IL1RAPL2: variants seen among roughly 807,000 people sequenced by gnomAD.
The protein encoded by IL1RAPL2 is interleukin 1 receptor accessory protein like 2, also known as X-linked interleukin-1 receptor accessory protein-like 2.
Under a neutral mutation model 44.1 loss-of-function variants are expected in IL1RAPL2, and 3 were observed. That is an observed-to-expected ratio of 0.07 (90% CI 0.03 to 0.18). IL1RAPL2 has a LOEUF of 0.18. Among genes scored for constraint, IL1RAPL2 ranks in the 10% least tolerant of loss-of-function variants. The pLI is 1.00. For missense variants in IL1RAPL2, 391 were observed against 496.4 expected, an observed-to-expected ratio of 0.79 and a Z score of 2.02; for synonymous variants, 181 against 178.8, an observed-to-expected ratio of 1.01 and a Z score of -0.10.
chrX:105,368,905 G>T (rs1025496657), intron 5 of IL1RAPL2, among the ~76,000 whole-genome samples: 3 of 109,151 alleles, frequency 2.7e-5, no homozygotes, highest in Non-Finnish European at 5.7e-5. Flanking sequence ...TCTCAGATTG[G>T]ATATTTACCA....
chrX:104,571,585 G>A (rs751626120), intron 1 of IL1RAPL2, among the ~76,000 whole-genome samples: 8 of 111,724 alleles, frequency 7.2e-5, no homozygotes, highest in Non-Finnish European at 1.1e-4. Flanking sequence ...CTTGCCTGCC[G>A]CCATGTAAGA....
At chrX:105,711,508 A>G (rs1041161281) in intron 6 of IL1RAPL2, among the ~76,000 whole-genome samples, 1 of 111,656 alleles carries the variant, frequency 9.0e-6, no homozygotes, top group Middle Eastern at 4.6e-3. Context: ...CAACACTATT[A>G]CATTGGCAAC....
At chrX:105,610,167 C>T (rs757129035) in intron 6 of IL1RAPL2, among the ~76,000 whole-genome samples, 6 of 111,244 alleles carry the variant, frequency 5.4e-5, no homozygotes, top group South Asian at 7.6e-4. Flanking sequence ...CCCTAGTTGG[C>T]GGGTTGGATT....
At chrX:104,886,553 T>C (rs759308954) in intron 2 of IL1RAPL2, among the ~76,000 whole-genome samples, 1 of 112,361 alleles carries the variant, frequency 8.9e-6, no homozygotes, top group Admixed American at 9.4e-5. Flanking sequence ...AACTAAATGG[T>C]CAGTGGAGAC....
intron 5 of IL1RAPL2, among the ~76,000 whole-genome samples, chrX:105,435,504 ACCAGCAATCCCATTTGAC>A (rs756119388): frequency 5.4e-5 from 6 of 111,798 alleles, no homozygotes; most frequent in Non-Finnish European, 9.4e-5. Flanking sequence ...AGGATCTAGA[ACCAGCAATCCCATTTGAC>A]CCAGCAATCC....
Position 105,388,356 on chromosome X carries a change from A to ATTTTTTTTTTTTTTTTTTTTTTTTTTT in IL1RAPL2, c.698-95954_698-95928dup, listed in dbSNP as rs772573698. 1.8e-4 allele frequency among the ~76,000 whole-genome samples: 11 copies of ATTTTTTTTTTTTTTTTTTTTTTTTTTT among 61,264 alleles called. 1 individual carries two copies. Among genetic ancestry groups the ATTTTTTTTTTTTTTTTTTTTTTTTTTT allele is most frequent in the African/African-American group, 1.1e-3 (11 of 9,706 alleles). 53.2% of individuals were successfully genotyped at this position (61,264 alleles called of 115,157 possible). On this transcript the variant is annotated intron_variant, in intron 5 of 10. Coordinates refer to ENST00000372582, the MANE Select transcript of IL1RAPL2 (RefSeq NM_017416.2). ...CAAACCAAATATTTTACCAAAGCAG[A>ATTTTTTTTTTTTTTTTTTTTTTTTTTT]TTTTTTTTTTTTTTTTTTTTTTTTT... is the stretch of plus-strand genomic sequence containing the variant.
At chrX:104,797,455 G>A (rs1932857986) in intron 2 of IL1RAPL2, among the ~76,000 whole-genome samples, 1 of 111,089 alleles carries the variant, frequency 9.0e-6, no homozygotes, top group Non-Finnish European at 1.9e-5. Context: ...GGCTTCTATG[G>A]TCAAATAAAT....
chrX:105,308,817 T>G (rs1603058195), intron 5 of IL1RAPL2, among the ~76,000 whole-genome samples: 1 of 111,709 alleles, frequency 9.0e-6, no homozygotes, highest in Admixed American at 9.6e-5. Flanking sequence ...GACATTGAAT[T>G]GTTGGGACAA....
At chrX:105,155,153 T>A (rs1489025076) in intron 2 of IL1RAPL2, among the ~76,000 whole-genome samples, 1 of 111,584 alleles carries the variant, frequency 9.0e-6, no homozygotes, top group East Asian at 2.8e-4. Flanking sequence ...GCTTCCATGG[T>A]GCTTACCCCC....
intron 5 of IL1RAPL2, among the ~76,000 whole-genome samples, chrX:105,408,144 C>A (rs1048754501): frequency 4.5e-5 from 5 of 111,956 alleles, no homozygotes; most frequent in African/African-American, 1.6e-4. Flanking sequence ...TTTATTATAG[C>A]CACCAAAAAA....
intron 8 of IL1RAPL2, among the ~76,000 whole-genome samples, chrX:105,743,233 A>G (rs1367897726): frequency 8.9e-6 from 1 of 111,861 alleles, no homozygotes; most frequent in African/African-American, 3.3e-5. Flanking sequence ...AGAACCCTCC[A>G]TTCACAGTTC....
At chrX:105,283,585 G>A (rs1388361643) in intron 5 of IL1RAPL2, among the ~76,000 whole-genome samples, 2 of 111,087 alleles carry the variant, frequency 1.8e-5, no homozygotes, top group Non-Finnish European at 3.8e-5. Context: ...TTACTAATAG[G>A]GTAGACAGTA....
chrX:104,570,441 G>A (rs1928124559), intron 1 of IL1RAPL2, among the ~76,000 whole-genome samples: 1 of 111,927 alleles, frequency 8.9e-6, no homozygotes, highest in South Asian at 3.8e-4. Flanking sequence ...AACAATCCCA[G>A]CACTTTGGGA....
At chrX:105,717,574 A>C in intron 7 of IL1RAPL2, 78 bp downstream of exon 7, 1 of 974,241 alleles carries the variant, frequency 1.0e-6, no homozygotes, top group Non-Finnish European at 1.4e-6. Context: ...ACTCCAAATC[A>C]TTCCATTCTC....
chrX:104,628,411 T>C (rs755540213), intron 1 of IL1RAPL2, among the ~76,000 whole-genome samples: 4 of 111,606 alleles, frequency 3.6e-5, no homozygotes, highest in East Asian at 2.8e-4. Context: ...AGATGAACTT[T>C]TTTAACTTCC....
At chrX:105,374,822 C>A (rs1262253150) in intron 5 of IL1RAPL2, among the ~76,000 whole-genome samples, 1 of 107,777 alleles carries the variant, frequency 9.3e-6, no homozygotes, top group East Asian at 3.0e-4. Flanking sequence ...GTGGTGGGCA[C>A]CTGTAGTCCC....
At chrX:104,836,430 AAC>A (rs1473445412) in intron 2 of IL1RAPL2, among the ~76,000 whole-genome samples, 1 of 111,140 alleles carries the variant, frequency 9.0e-6, no homozygotes, top group Non-Finnish European at 1.9e-5. Context: ...GATTGTTTGA[AAC>A]ACAAAGGATA....
chrX:104,816,762 C>T (rs999204299), intron 2 of IL1RAPL2, among the ~76,000 whole-genome samples: 4 of 111,830 alleles, frequency 3.6e-5, no homozygotes, highest in Non-Finnish European at 7.5e-5. Flanking sequence ...AAGCTCAACA[C>T]TTAATGGCTT....
chrX:105,193,618 C>A (rs1477079195), intron 2 of IL1RAPL2, among the ~76,000 whole-genome samples: 1 of 111,627 alleles, frequency 9.0e-6, no homozygotes, highest in African/African-American at 3.3e-5. Flanking sequence ...CCTTCTTTTC[C>A]TTCTTGAAAG....
Sources: allele counts gnomAD v4.1 joint callset (sites outside exome capture counted in the v4.1 genomes callset), GRCh38; gene constraint gnomAD v4.1.1; transcripts MANE v1.5; gene names NCBI Gene and HGNC (gene_info 2026-07-23, HGNC 2026-07-21).